The following MYCBP2 variants were observed in gnomAD, a reference collection of about 807,000 sequenced individuals.
MYCBP2 encodes E3 ubiquitin-protein ligase MYCBP2.
MYCBP2 carries 120 observed loss-of-function variants against 525.3 expected under a neutral mutation model. The observed-to-expected ratio is 0.23, with a 90% CI of 0.20 to 0.27. MYCBP2 has a LOEUF of 0.27. Ranked by LOEUF, MYCBP2 falls within the 10% of genes least tolerant of loss-of-function variation. MYCBP2 has a pLI of 1.00. For synonymous variants in MYCBP2, 1,894 were observed against 1,955.8 expected (o/e 0.97, Z 0.83); for missense variants, 4,149 against 5,657.1 (o/e 0.73, Z 8.55).
At chr13:77,270,264 T>C in intron 6 of MYCBP2, 32 bp downstream of exon 6, 3 of 1,579,940 alleles carry the variant, frequency 1.9e-6, no homozygotes, top group Non-Finnish European at 1.7e-6. Flanking sequence ...TATAACTCTG[T>C]ATAATTAAGG....
chr13:77,159,059 AT>A (rs78521360), intron 44 of MYCBP2, among the ~76,000 whole-genome samples: 4,482 of 152,352 alleles, frequency 0.029, 95 homozygotes, highest in East Asian at 0.053. Context: ...TTCATAGAAA[AT>A]AATTACATTT....
intron 17 of MYCBP2, among the ~76,000 whole-genome samples, chr13:77,238,908 G>A (rs2068386259): frequency 6.6e-6 from 1 of 152,204 alleles, no homozygotes; most frequent in African/African-American, 2.4e-5. Context: ...ATCACCTGAG[G>A]TCAGAAGTTT....
intron 1 of MYCBP2, among the ~76,000 whole-genome samples, chr13:77,308,319 C>T (rs531062843): frequency 7.9e-5 from 12 of 152,332 alleles, no homozygotes; most frequent in African/African-American, 2.6e-4. Context: ...ATTAATTATT[C>T]CCATTCTCTC....
chr13:77,146,010 C>G (rs1015122568), intron 48 of MYCBP2, 152 bp downstream of exon 48: 6 of 493,944 alleles, frequency 1.2e-5, no homozygotes, highest in Non-Finnish European at 2.1e-5. Context: ...TTCTGCAAAT[C>G]TATACATTAT....
chr13:77,244,067 A>T, intron 15 of MYCBP2, 116 bp from the exon 16 acceptor site: 2 of 1,134,040 alleles, frequency 1.8e-6, no homozygotes, highest in Non-Finnish European at 2.4e-6. Context: ...ATGAGTAAGC[A>T]ATGAAATCAC....
At chr13:77,210,472 G>T (rs956463779) in intron 23 of MYCBP2, among the ~76,000 whole-genome samples, 2 of 152,114 alleles carry the variant, frequency 1.3e-5, no homozygotes, top group African/African-American at 4.8e-5. Flanking sequence ...GATTACAGGC[G>T]TGAGCCACCG....
rs540020184 is a variant in MYCBP2, at chr13:77,221,214, G to A, written c.2939+3237C>T. 4.7e-4 allele frequency among the ~76,000 whole-genome samples: 72 copies of A among 152,146 alleles called. 1 individual carries two copies. In the South Asian group the frequency reaches 0.014, roughly 30 times the overall value. On this transcript the variant is annotated intron_variant, in intron 20 of 82. Coordinates refer to ENST00000544440, the MANE Select transcript of MYCBP2 (RefSeq NM_015057.5). ...AAATGCTATCGTATTTCATGAAGAC[G>A]ATAAATTCAAGCAATTTAAAATATT... is the stretch of plus-strand genomic sequence containing the variant.
chr13:77,264,729 G>C (rs562663812), intron 8 of MYCBP2, among the ~76,000 whole-genome samples: 2 of 152,068 alleles, frequency 1.3e-5, no homozygotes, highest in South Asian at 2.1e-4. Context: ...TTGTAACAAG[G>C]GATACCAGTA....
At chr13:77,252,427 A>C (rs1567057768) in intron 14 of MYCBP2, among the ~76,000 whole-genome samples, 1 of 152,230 alleles carries the variant, frequency 6.6e-6, no homozygotes, top group Non-Finnish European at 1.5e-5. Context: ...GACAGACATT[A>C]ATCAAATAAC....
intron 15 of MYCBP2, 56 bp downstream of exon 15, chr13:77,251,095 T>C (rs2071132460): frequency 6.5e-7 from 1 of 1,542,288 alleles, no homozygotes; most frequent in Admixed American, 1.7e-5. Flanking sequence ...TCCGGAATGA[T>C]TTTGCAAAGA....
chr13:77,318,158 C>G (rs979667207), intron 1 of MYCBP2, among the ~76,000 whole-genome samples: 2 of 152,146 alleles, frequency 1.3e-5, no homozygotes, highest in Admixed American at 1.3e-4. Flanking sequence ...ATGGTCCTTT[C>G]CACTGTATAA....
chr13:77,133,254 G>A (rs1007928540), intron 52 of MYCBP2, among the ~76,000 whole-genome samples: 1 of 152,152 alleles, frequency 6.6e-6, no homozygotes, highest in African/African-American at 2.4e-5. Flanking sequence ...TTGCAAAAAT[G>A]AGAATTATAA....
intron 1 of MYCBP2, among the ~76,000 whole-genome samples, chr13:77,305,572 T>C (rs774005793): frequency 3.3e-5 from 5 of 152,208 alleles, no homozygotes; most frequent in East Asian, 1.9e-4. Flanking sequence ...TTGGGATTTA[T>C]GGAGAGACAA....
At chr13:77,322,204 C>G (rs1430568035) in intron 1 of MYCBP2, among the ~76,000 whole-genome samples, 3 of 152,176 alleles carry the variant, frequency 2.0e-5, no homozygotes, top group African/African-American at 7.2e-5. Flanking sequence ...CTCTTACAAC[C>G]AAAATCCCAT....
chr13:77,225,174 T>C (rs142951653), intron 19 of MYCBP2, among the ~76,000 whole-genome samples: 1 of 152,342 alleles, frequency 6.6e-6, no homozygotes, highest in East Asian at 1.9e-4. Context: ...GATTATTTCA[T>C]CTTCCAGACT....
At chr13:77,275,561 T>TA (rs2075444471) in intron 4 of MYCBP2, among the ~76,000 whole-genome samples, 1 of 152,162 alleles carries the variant, frequency 6.6e-6, no homozygotes, top group Non-Finnish European at 1.5e-5. Context: ...CAGCAGTGTG[T>TA]ACCTATAGTC....
chr13:77,258,120 C>A (rs183914027), intron 13 of MYCBP2, among the ~76,000 whole-genome samples: 1 of 152,184 alleles, frequency 6.6e-6, no homozygotes, highest in Non-Finnish European at 1.5e-5. Flanking sequence ...TACCTCTCCA[C>A]AGTACTTTCA....
At chr13:77,108,638 C>T (rs533590750) in intron 55 of MYCBP2, among the ~76,000 whole-genome samples, 1 of 152,212 alleles carries the variant, frequency 6.6e-6, no homozygotes, top group South Asian at 2.1e-4. Context: ...AGAGACAACG[C>T]TTACGCAGCA....
chr13:77,165,259 T>C lies in MYCBP2; in HGVS notation c.6459+14A>G. 1 of 1,533,430 alleles carries C rather than the reference T, an allele frequency of 6.5e-7. No homozygotes were observed. Among genetic ancestry groups the C allele is most frequent in the Non-Finnish European group, 9.0e-7 (1 of 1,110,496 alleles). The allele number at this position is 1,533,430 out of a possible 1,614,324, so 95.0% of individuals were successfully genotyped here. ...AATCTTCCTTAAAAGAATGAAAAGA[T>C]AATTCATTCTTACCTCATCAGGTCC... On this transcript the variant is annotated intron_variant, in intron 42 of 82. Transcript: ENST00000544440.
Sources: allele counts gnomAD v4.1 joint callset (sites outside exome capture counted in the v4.1 genomes callset), GRCh38; gene constraint gnomAD v4.1.1; transcripts MANE v1.5; gene names NCBI Gene and HGNC (gene_info 2026-07-23, HGNC 2026-07-21).